Variants in TTC28 observed in about 807,000 individuals in gnomAD.
The protein encoded by TTC28 is tetratricopeptide repeat domain 28.
A neutral mutation model predicts 198.0 loss-of-function variants in TTC28; 61 were observed. The ratio of observed to expected loss-of-function variants is 0.31; its 90% CI spans 0.25 to 0.38. TTC28 has a LOEUF of 0.38. TTC28 is among the 10% of genes least tolerant of loss of function. The pLI is 1.00. For missense variants in TTC28, 2,678 were observed against 3,164.0 expected, an observed-to-expected ratio of 0.85 and a Z score of 3.69; for synonymous variants, 1,171 against 1,297.8, an observed-to-expected ratio of 0.90 and a Z score of 2.10.
chr22:28,630,801 C>A (rs1483047164), intron 1 of TTC28, among the ~76,000 whole-genome samples: 1 of 152,162 alleles, frequency 6.6e-6, no homozygotes, highest in African/African-American at 2.4e-5. Flanking sequence ...TTAATAGTTA[C>A]ATACATGTAT....
At chr22:28,677,734 T>G (rs1219395102) in intron 1 of TTC28, among the ~76,000 whole-genome samples, 2 of 152,036 alleles carry the variant, frequency 1.3e-5, no homozygotes, top group East Asian at 3.9e-4. Context: ...GTCAAGGAGT[T>G]TGGGACCAGC....
chr22:28,564,020 G>T (rs148419246), intron 2 of TTC28, among the ~76,000 whole-genome samples: 3 of 152,214 alleles, frequency 2.0e-5, no homozygotes, highest in East Asian at 3.9e-4. Flanking sequence ...TACACTAAGT[G>T]CAAGAAACCA....
chr22:28,362,348 T>C (rs1162384573), intron 2 of TTC28, among the ~76,000 whole-genome samples: 1 of 152,194 alleles, frequency 6.6e-6, no homozygotes, highest in African/African-American at 2.4e-5. Context: ...TTGCTCCTCC[T>C]TGCCTTCTGC....
chr22:28,490,344 T>C (rs1024669633), intron 2 of TTC28, among the ~76,000 whole-genome samples: 4 of 152,324 alleles, frequency 2.6e-5, no homozygotes, highest in African/African-American at 9.6e-5. Context: ...GCACCCCCAT[T>C]GCTCTGCTCT....
intron 2 of TTC28, among the ~76,000 whole-genome samples, chr22:28,336,996 T>C (rs1038600095): frequency 1.8e-4 from 27 of 152,364 alleles, no homozygotes; most frequent in Non-Finnish European, 3.1e-4. Flanking sequence ...AATTTCCCTC[T>C]ACACACTGCT....
intron 6 of TTC28, among the ~76,000 whole-genome samples, chr22:28,153,904 C>T (rs536665464): frequency 6.6e-6 from 1 of 152,240 alleles, no homozygotes; most frequent in African/African-American, 2.4e-5. Flanking sequence ...GTATTTGACC[C>T]AATACTAGAG....
intron 2 of TTC28, among the ~76,000 whole-genome samples, chr22:28,326,265 A>G (rs2045528498): frequency 6.6e-6 from 1 of 152,146 alleles, no homozygotes; most frequent in Non-Finnish European, 1.5e-5. Flanking sequence ...ACATTTGAAA[A>G]AGGCAAAAGT....
At position 28,069,548 on chromosome 22, in the gene TTC28, T is replaced by C. The variant is rs140286770; in HGVS notation, c.3932+24532A>G. ...AAGCATCTTATATATCTTGGCTTAT[T>C]AATATTATTCATTAGCATAAGATAA... On this transcript the variant is annotated intron_variant, in intron 12 of 22. Transcript: ENST00000397906. 5.7e-3 allele frequency among the ~76,000 whole-genome samples: 871 copies of C among 152,326 alleles called. 3 individuals are homozygous for C. The highest frequency in any genetic ancestry group is 0.011 in the Admixed American group (171 of 15,292).
At chr22:28,351,525 T>C (rs758413002) in intron 2 of TTC28, among the ~76,000 whole-genome samples, 3 of 152,142 alleles carry the variant, frequency 2.0e-5, no homozygotes, top group Non-Finnish European at 4.4e-5. Context: ...AGACATATTA[T>C]AGTTTTGTAG....
intron 5 of TTC28, among the ~76,000 whole-genome samples, chr22:28,174,406 G>A (rs1922961439): frequency 6.6e-6 from 1 of 152,118 alleles, no homozygotes; most frequent in Admixed American, 6.6e-5. Context: ...AAGATAACCA[G>A]AAAATAAACC....
At chr22:28,599,086 T>C (rs1344836978) in intron 2 of TTC28, among the ~76,000 whole-genome samples, 1 of 152,214 alleles carries the variant, frequency 6.6e-6, no homozygotes, top group African/African-American at 2.4e-5. Context: ...ACATGAAGAA[T>C]ACTACATCTC....
At chr22:28,519,534 T>C (rs1345943640) in intron 2 of TTC28, among the ~76,000 whole-genome samples, 1 of 152,150 alleles carries the variant, frequency 6.6e-6, no homozygotes, top group East Asian at 1.9e-4. Context: ...CTTGCGGACA[T>C]CACGGTGTTC....
chr22:28,243,673 T>A (rs186892765), intron 5 of TTC28, among the ~76,000 whole-genome samples: 1 of 152,250 alleles, frequency 6.6e-6, no homozygotes, highest in East Asian at 1.9e-4. Context: ...ATAGCTACTG[T>A]AAGCCTCACT....
intron 1 of TTC28, among the ~76,000 whole-genome samples, chr22:28,672,398 C>G (rs2051902599): frequency 1.3e-5 from 2 of 152,068 alleles, no homozygotes; most frequent in African/African-American, 4.8e-5. Context: ...GAACTCCTGA[C>G]CTCGTGATCC....
At chr22:28,421,645 T>C (rs556305035) in intron 2 of TTC28, among the ~76,000 whole-genome samples, 6 of 152,284 alleles carry the variant, frequency 3.9e-5, no homozygotes, top group Admixed American at 2.6e-4. Context: ...TAACTGCTGC[T>C]TCGGATCAAG....
intron 2 of TTC28, among the ~76,000 whole-genome samples, chr22:28,624,936 AGTTGAT>A (rs2051055185): frequency 6.6e-6 from 1 of 152,230 alleles, no homozygotes; most frequent in South Asian, 2.1e-4. Context: ...AAGTTGATTT[AGTTGAT>A]TTAATATCCC....
Position 28,017,043 on chromosome 22 carries a change from G to A in TTC28, c.4074-2651C>T, listed in dbSNP as rs866936728. ...AGTGGTGGGCAGACCTGCTGAGCTC[G>A]AATCCCAGCCTTGGGCACTGCTTCA... On this transcript the variant is annotated intron_variant, in intron 13 of 22. Coordinates refer to ENST00000397906, the MANE Select transcript of TTC28 (RefSeq NM_001145418.2). Among the ~76,000 whole-genome samples, 31 of 152,332 alleles carry A rather than the reference G, an allele frequency of 2.0e-4. No individual in the cohort carries two copies. The Middle Eastern group carries it at 0.01, about 50-fold the overall frequency.
intron 1 of TTC28, among the ~76,000 whole-genome samples, chr22:28,636,473 G>A (rs2051274069): frequency 6.6e-6 from 1 of 152,092 alleles, no homozygotes; most frequent in African/African-American, 2.4e-5. Flanking sequence ...CATTCATCCA[G>A]CAATGGACAC....
At chr22:28,378,444 G>C (rs1285431745) in intron 2 of TTC28, among the ~76,000 whole-genome samples, 1 of 150,710 alleles carries the variant, frequency 6.6e-6, no homozygotes, top group Non-Finnish European at 1.5e-5. Context: ...TAGGATCTTT[G>C]AGCCCAGGAG....
Sources: gnomAD v4.1 joint callset for allele counts (sites outside exome capture counted in the v4.1 genomes callset) on GRCh38, gnomAD v4.1.1 for gene constraint, MANE v1.5 for transcripts, NCBI Gene and HGNC (gene_info 2026-07-23, HGNC 2026-07-21) for gene names.